PRKN: variants seen among roughly 807,000 people sequenced by gnomAD.
PRKN encodes the protein E3 ubiquitin-protein ligase parkin.
A neutral mutation model predicts 59.5 loss-of-function variants in PRKN; 56 were observed. That is an observed-to-expected ratio of 0.94 (90% confidence interval 0.76 to 1.18). The LOEUF is 1.18. Among genes scored for constraint, PRKN ranks in the 50% most tolerant of loss-of-function variants. The pLI, the probability that PRKN is intolerant of heterozygous loss-of-function variation, is 0.00. For synonymous variants in PRKN, 250 were observed against 222.1 expected (o/e 1.13, Z -1.12); for missense variants, 657 against 596.4 (o/e 1.10, Z -1.06).
intron 2 of PRKN, among the ~76,000 whole-genome samples, chr6:162,437,576 C>A (rs1194543025): frequency 6.6e-6 from 1 of 152,158 alleles, no homozygotes; most frequent in African/African-American, 2.4e-5. Flanking sequence ...GTACCCTCCT[C>A]TCACCTGCTT....
intron 9 of PRKN, among the ~76,000 whole-genome samples, chr6:161,537,139 C>T (rs1025706668): frequency 1.3e-5 from 2 of 152,196 alleles, no homozygotes; most frequent in Admixed American, 1.3e-4. Flanking sequence ...AGATTTCTTT[C>T]TTTCCAAATA....
At chr6:162,002,739 G>T (rs1301270483) in intron 5 of PRKN, among the ~76,000 whole-genome samples, 1 of 151,460 alleles carries the variant, frequency 6.6e-6, no homozygotes. Context: ...TTTATTTTAG[G>T]TCTTTTTCTC....
chr6:161,861,501 G>A, intron 6 of PRKN, among the ~76,000 whole-genome samples: 1 of 151,908 alleles, frequency 6.6e-6, no homozygotes, highest in South Asian at 2.1e-4. Flanking sequence ...TAGATGATGG[G>A]TTGAGGGGTG....
intron 2 of PRKN, among the ~76,000 whole-genome samples, chr6:162,278,603 A>C (rs1047917359): frequency 1.3e-5 from 2 of 152,096 alleles, no homozygotes; most frequent in African/African-American, 2.4e-5. Flanking sequence ...AAAAATAAAT[A>C]AATAAAGGCT....
At chr6:162,703,664 T>C (rs891175688) in intron 1 of PRKN, among the ~76,000 whole-genome samples, 3 of 152,166 alleles carry the variant, frequency 2.0e-5, no homozygotes, top group African/African-American at 4.8e-5. Flanking sequence ...CCCCATTTTG[T>C]AGATGAGGAA....
chr6:161,968,799 A>T (rs1421394078), intron 6 of PRKN, among the ~76,000 whole-genome samples: 1 of 152,204 alleles, frequency 6.6e-6, no homozygotes, highest in Non-Finnish European at 1.5e-5. Flanking sequence ...GACCAAAGCA[A>T]CATATTTAAA....
chr6:162,495,760 G>A (rs534305317), intron 1 of PRKN, among the ~76,000 whole-genome samples: 22 of 152,124 alleles, frequency 1.4e-4, no homozygotes, highest in African/African-American at 5.3e-4. Context: ...CACCATCACC[G>A]ACGTCCACAG....
intron 6 of PRKN, among the ~76,000 whole-genome samples, chr6:161,916,322 C>T (rs990769776): frequency 1.3e-5 from 2 of 152,016 alleles, no homozygotes; most frequent in African/African-American, 2.4e-5. Flanking sequence ...CATAATTGGA[C>T]AAAGACAATA....
chr6:162,498,400 TTTTTTTTTTTTTTTTGAGATGGAGTTTC>T (rs1793180010), intron 1 of PRKN, among the ~76,000 whole-genome samples: 1 of 113,610 alleles, frequency 8.8e-6, no homozygotes, highest in Non-Finnish European at 2.0e-5. Context: ...TTCCTTTTTT[TTTTTTTTTTTTTTTTGAGATGGAGTTTC>T]TTTCCTTTTT....
intron 1 of PRKN, among the ~76,000 whole-genome samples, chr6:162,606,765 G>A (rs141728083): frequency 5.6e-4 from 86 of 152,282 alleles, no homozygotes; most frequent in Non-Finnish European, 1.0e-3. Flanking sequence ...CACCAAGGCT[G>A]GGGTGCAGTG....
chr6:161,803,604 G>A (rs148402647), intron 6 of PRKN, among the ~76,000 whole-genome samples: 1 of 152,324 alleles, frequency 6.6e-6, no homozygotes, highest in East Asian at 1.9e-4. Context: ...AACTCGGGTG[G>A]AGCCGAGAGG....
At chr6:162,031,418 ATC>A (rs1341286283) in intron 5 of PRKN, among the ~76,000 whole-genome samples, 2 of 150,836 alleles carry the variant, frequency 1.3e-5, no homozygotes, top group Non-Finnish European at 2.9e-5. Flanking sequence ...CCTTTTTTTT[ATC>A]TCTCATAGGC....
At chr6:162,463,059 A>G (rs1446373270) in intron 1 of PRKN, among the ~76,000 whole-genome samples, 1 of 151,372 alleles carries the variant, frequency 6.6e-6, no homozygotes, top group African/African-American at 2.4e-5. Context: ...ACGGAGTGAG[A>G]CTCCGTCTCA....
At chr6:162,180,973 G>T (rs1783777274) in intron 4 of PRKN, among the ~76,000 whole-genome samples, 1 of 152,178 alleles carries the variant, frequency 6.6e-6, no homozygotes, top group South Asian at 2.1e-4. Context: ...AGTTTAAACT[G>T]GATTGGCCTC....
chr6:162,376,004 T>G (rs1786051682), intron 2 of PRKN, among the ~76,000 whole-genome samples: 1 of 152,098 alleles, frequency 6.6e-6, no homozygotes, highest in South Asian at 2.1e-4. Flanking sequence ...GAAGCTTCCA[T>G]GCTAGAGGAT....
At chr6:162,206,882 C>T (rs905943763) in intron 3 of PRKN, among the ~76,000 whole-genome samples, 1 of 152,232 alleles carries the variant, frequency 6.6e-6, no homozygotes, top group Non-Finnish European at 1.5e-5. Flanking sequence ...ATCAGCACCA[C>T]CTCTGATGTC....
intron 1 of PRKN, among the ~76,000 whole-genome samples, chr6:162,481,276 G>A (rs1193247340): frequency 3.3e-5 from 5 of 152,046 alleles, no homozygotes; most frequent in Admixed American, 3.3e-4. Context: ...AAATTATAAC[G>A]AGACCACAAA....
rs1045277906 is a variant in PRKN, at chr6:161,529,590, C to T, written c.1083+19264G>A. Among the ~76,000 whole-genome samples the T allele has an allele frequency of 6.6e-6, 1 of 152,178 alleles. No homozygotes were observed. Among genetic ancestry groups the T allele is most frequent in the African/African-American group, 2.4e-5 (1 of 41,444 alleles). On this transcript the variant is annotated intron_variant, in intron 9 of 11. Transcript: ENST00000366898. This position sits in a 1 kb window ranked among gnomAD's most constrained non-coding sequence, Gnocchi z 4.4. The stretch of plus-strand genomic sequence containing the variant: ...AGTTCCAGTAATAAAACATCTAAAC[C>T]TCCATATTTGGACGAAGTATAGTCT...
intron 9 of PRKN, among the ~76,000 whole-genome samples, chr6:161,496,210 AG>A: frequency 6.6e-6 from 1 of 152,368 alleles, no homozygotes; most frequent in Admixed American, 6.5e-5. Flanking sequence ...CAGTGCACAC[AG>A]GCAAGGCTAG....
Sources: allele counts gnomAD v4.1 joint callset (sites outside exome capture counted in the v4.1 genomes callset), GRCh38; gene constraint gnomAD v4.1.1; non-coding constraint Gnocchi (gnomAD v3.1); transcripts MANE v1.5; gene names NCBI Gene and HGNC (gene_info 2026-07-23, HGNC 2026-07-21).